ROBO1: variants seen among roughly 807,000 people sequenced by gnomAD.
ROBO1 encodes roundabout guidance receptor 1.
A neutral mutation model predicts 195.9 loss-of-function variants in ROBO1; 149 were observed. The observed-to-expected ratio is 0.76, with a 90% CI of 0.67 to 0.87. ROBO1 has a LOEUF of 0.87. ROBO1 is among the 40% of genes least tolerant of loss of function. The probability of loss-of-function intolerance (pLI) is 0.00; values close to 1 mark genes in which losing one functional copy is unlikely to be tolerated. For synonymous variants in ROBO1, 816 were observed against 733.2 expected (o/e 1.11, Z -1.82); for missense variants, 1,933 against 2,068.3 (o/e 0.93, Z 1.27).
chr3:79,615,139 C>A (rs1396352606), intron 1 of ROBO1, among the ~76,000 whole-genome samples: 1 of 152,090 alleles, frequency 6.6e-6, no homozygotes, highest in African/African-American at 2.4e-5. Context: ...ACCGGTGTAA[C>A]ATTAAAACGG....
chr3:78,608,603 G>A (rs1703609567), intron 28 of ROBO1, among the ~76,000 whole-genome samples: 1 of 152,140 alleles, frequency 6.6e-6, no homozygotes, highest in Non-Finnish European at 1.5e-5. Flanking sequence ...TATTCCGGCT[G>A]CAGTATGGGG....
intron 2 of ROBO1, among the ~76,000 whole-genome samples, chr3:79,494,451 A>G (rs2107466520): frequency 6.6e-6 from 1 of 152,330 alleles, no homozygotes; most frequent in Non-Finnish European, 1.5e-5. Context: ...CTATCTGCAA[A>G]AAAATACAAT....
At chr3:79,227,409 C>T (rs563583500) in intron 2 of ROBO1, among the ~76,000 whole-genome samples, 2 of 152,114 alleles carry the variant, frequency 1.3e-5, no homozygotes, top group African/African-American at 2.4e-5. Flanking sequence ...TTTTCTACCT[C>T]GGTCTTCCCT....
intron 2 of ROBO1, among the ~76,000 whole-genome samples, chr3:79,397,424 C>A (rs532229439): frequency 1.3e-5 from 2 of 152,034 alleles, no homozygotes; most frequent in Admixed American, 6.6e-5. Context: ...TTGGACAAAG[C>A]TTTTCCAGGA....
intron 2 of ROBO1, among the ~76,000 whole-genome samples, chr3:79,189,846 A>G (rs2081505912): frequency 6.6e-6 from 1 of 151,768 alleles, no homozygotes; most frequent in South Asian, 2.1e-4. Flanking sequence ...TTATTTCAAA[A>G]GAGCAAATAC....
At chr3:79,337,925 T>C (rs1350078917) in intron 2 of ROBO1, among the ~76,000 whole-genome samples, 1 of 152,098 alleles carries the variant, frequency 6.6e-6, no homozygotes, top group Non-Finnish European at 1.5e-5. Context: ...CAAAACAAAA[T>C]ATTATCTTTC....
intron 3 of ROBO1, among the ~76,000 whole-genome samples, chr3:79,037,256 T>TA (rs901620437): frequency 2.0e-5 from 3 of 152,218 alleles, no homozygotes; most frequent in African/African-American, 7.2e-5. Flanking sequence ...TTCGTTAGAA[T>TA]ACAATGACAC....
At chr3:79,369,702 T>A (rs1331780133) in intron 2 of ROBO1, among the ~76,000 whole-genome samples, 1 of 152,080 alleles carries the variant, frequency 6.6e-6, no homozygotes, top group Non-Finnish European at 1.5e-5. Flanking sequence ...TTTTGATCTT[T>A]AGTCCCAAGT....
intron 4 of ROBO1, among the ~76,000 whole-genome samples, chr3:78,843,653 T>C (rs1349177221): frequency 6.6e-6 from 1 of 152,112 alleles, no homozygotes; most frequent in Non-Finnish European, 1.5e-5. Context: ...ACAAGAGATA[T>C]GTAATAATCT....
At chr3:79,077,553 G>A (rs981641411) in intron 3 of ROBO1, among the ~76,000 whole-genome samples, 2 of 151,738 alleles carry the variant, frequency 1.3e-5, no homozygotes, top group African/African-American at 4.8e-5. Flanking sequence ...CACATATTTT[G>A]TCACATTACT....
At chr3:79,507,370 T>A (rs1240176654) in intron 2 of ROBO1, among the ~76,000 whole-genome samples, 2 of 152,188 alleles carry the variant, frequency 1.3e-5, no homozygotes, top group African/African-American at 4.8e-5. Context: ...GGGGTTTTTG[T>A]TCACTGACTT....
At chr3:78,897,826 T>A (rs948921334) in intron 4 of ROBO1, among the ~76,000 whole-genome samples, 2 of 152,084 alleles carry the variant, frequency 1.3e-5, no homozygotes, top group African/African-American at 4.8e-5. Context: ...GATTTTTCTT[T>A]CTTGAGTTGT....
intron 4 of ROBO1, among the ~76,000 whole-genome samples, chr3:78,766,820 A>C (rs1272405967): frequency 6.6e-6 from 1 of 152,168 alleles, no homozygotes; most frequent in Non-Finnish European, 1.5e-5. Context: ...GAGAGTTTTA[A>C]TCATAAAGGA....
rs747933543 is a variant in ROBO1 at position 78,617,687 on chromosome 3, C to T, written c.4230G>A (p.Ala1410=). The change falls in exon 27 of 31, where the codon GCG becomes GCA. Residue 1410 remains alanine (A), a synonymous_variant. Transcript: ENST00000464233. Reference sequence around the variant, plus strand: ...CTACTTTCAGACCAGCATACTCTGCCGCTGCTGCGACTGCCTGGGCAAAGT... The same window carrying T: ...CTACTTTCAGACCAGCATACTCTGCTGCTGCTGCGACTGCCTGGGCAAAGT... ...DADFAQAVAA[A]AEYAGLKVAR... 1.9e-6 allele frequency: 3 copies of T among 1,613,756 alleles called. No homozygotes were observed. The highest frequency in any genetic ancestry group is 2.7e-5 in the African/African-American group (2 of 74,904).
intron 3 of ROBO1, among the ~76,000 whole-genome samples, chr3:78,992,417 G>C (rs561013667): frequency 7.2e-5 from 11 of 152,246 alleles, no homozygotes; most frequent in Admixed American, 2.6e-4. Context: ...ATTGCTGAAA[G>C]TGAAAGAAGG....
intron 3 of ROBO1, among the ~76,000 whole-genome samples, chr3:79,112,243 A>G (rs993217485): frequency 1.2e-4 from 18 of 152,140 alleles, no homozygotes; most frequent in African/African-American, 4.3e-4. Flanking sequence ...TATGTGACAT[A>G]CTTACTCCTC....
intron 26 of ROBO1, among the ~76,000 whole-genome samples, chr3:78,618,448 T>G (rs75268963): frequency 0.011 from 1,665 of 152,312 alleles, 33 homozygotes; most frequent in African/African-American, 0.038. Context: ...CTGAAACACT[T>G]TGCTCCACAA....
chr3:79,497,798 CG>C (rs1290082701), intron 2 of ROBO1, among the ~76,000 whole-genome samples: 2 of 151,982 alleles, frequency 1.3e-5, no homozygotes, highest in Non-Finnish European at 2.9e-5. Context: ...TCTTTTAAAA[CG>C]GTAAGTACTA....
intron 4 of ROBO1, among the ~76,000 whole-genome samples, chr3:78,787,242 T>C (rs6809790): frequency 0.047 from 7,108 of 152,292 alleles, 542 homozygotes; most frequent in African/African-American, 0.16. Flanking sequence ...CAGTAATCTA[T>C]AATAACACTA....
Sources: allele counts gnomAD v4.1 joint callset (sites outside exome capture counted in the v4.1 genomes callset), GRCh38; gene constraint gnomAD v4.1.1; transcripts MANE v1.5; gene names NCBI Gene and HGNC (gene_info 2026-07-23, HGNC 2026-07-21).